PPP2R2C: variants seen among roughly 807,000 people sequenced by gnomAD.
PPP2R2C encodes the protein protein phosphatase 2 regulatory subunit Bgamma.
Under a neutral mutation model 45.3 loss-of-function variants are expected in PPP2R2C, and 10 were observed. That is an observed-to-expected ratio of 0.22 (90% CI 0.14 to 0.37). The LOEUF is 0.37. PPP2R2C is among the 10% of genes least tolerant of loss of function. The pLI, the probability that PPP2R2C is intolerant of heterozygous loss-of-function variation, is 1.00. For missense variants in PPP2R2C, 308 were observed against 619.7 expected (o/e 0.50, Z 5.34); for synonymous variants, 257 against 245.4 (o/e 1.05, Z -0.44).
At chr4:6,512,996 C>G (rs1393182476) in intron 2 of PPP2R2C, among the ~76,000 whole-genome samples, 1 of 152,078 alleles carries the variant, frequency 6.6e-6, no homozygotes, top group Non-Finnish European at 1.5e-5. Flanking sequence ...CTTCACTGCA[C>G]TTTGTTGCAT....
At chr4:6,530,365 C>T (rs1413200492) in intron 2 of PPP2R2C, among the ~76,000 whole-genome samples, 2 of 152,172 alleles carry the variant, frequency 1.3e-5, no homozygotes, top group African/African-American at 4.8e-5. Flanking sequence ...TCCGCCACCG[C>T]ACCTGCACTG....
At chr4:6,560,205 G>A (rs1473999505) in intron 1 of PPP2R2C, among the ~76,000 whole-genome samples, 6 of 152,232 alleles carry the variant, frequency 3.9e-5, no homozygotes, top group African/African-American at 7.2e-5. Flanking sequence ...CCTGGAGGAG[G>A]GCAAGCAGGG....
rs1274104961 is a variant in PPP2R2C, at chr4:6,323,294, G to T, written c.*8C>A. 1.9e-6 allele frequency: 3 copies of T among 1,588,466 alleles called. No individual in the cohort carries two copies. The highest frequency in any genetic ancestry group is 2.6e-6 in the Non-Finnish European group (3 of 1,160,952). On this transcript the variant is annotated 3_prime_UTR_variant, in exon 9 of 9. Transcript: ENST00000382599. ...GGCTGGGTGGCAGGGGCCGGGAACT[G>T]CACATACCTAGTGCATGTCAGAGTT... is the stretch of plus-strand genomic sequence containing the variant.
At chr4:6,383,035 G>C (rs894452582) in intron 1 of PPP2R2C, 3 of 1,078,944 alleles carry the variant, frequency 2.8e-6, no homozygotes, top group Non-Finnish European at 3.4e-6. Flanking sequence ...CCTGTTCTCT[G>C]CCCCCCACCT....
upstream of PPP2R2C, among the ~76,000 whole-genome samples, chr4:6,475,417 A>G (rs963900619): frequency 2.0e-5 from 3 of 152,152 alleles, no homozygotes; most frequent in South Asian, 2.1e-4. Context: ...CCACCAGCAC[A>G]TTGCATTTCT....
intron 2 of PPP2R2C, among the ~76,000 whole-genome samples, chr4:6,489,117 G>A (rs1454127472): frequency 6.6e-6 from 1 of 152,154 alleles, no homozygotes. Flanking sequence ...GGGGGTTCCA[G>A]CAGACTCCAG....
chr4:6,512,233 A>G (rs796929219), intron 2 of PPP2R2C, among the ~76,000 whole-genome samples: 835 of 8,272 alleles, frequency 0.1, 4 homozygotes, highest in Middle Eastern at 0.17. Flanking sequence ...GGTGGTGGTG[A>G]TGGTGGGGGT....
rs144245978 is a variant in PPP2R2C at position 6,515,556 on chromosome 4, G to C, written c.49+19715C>G. Among the ~76,000 whole-genome samples the C allele has an allele frequency of 5.6e-3, 858 of 152,346 alleles. 5 individuals are homozygous for C. Among genetic ancestry groups the C allele is most frequent in the African/African-American group, 0.02 (828 of 41,570 alleles). ...CACAGAGTACTCACCTCAAAGAGCT[G>C]TCATGCAGACTAAATGAGTGAGTAC... On this transcript the variant is annotated intron_variant, in intron 2 of 9. Transcript: ENST00000506140.
intron 1 of PPP2R2C, chr4:6,413,940 C>T (rs557667970): frequency 9.5e-5 from 146 of 1,536,122 alleles, no homozygotes; most frequent in Non-Finnish European, 1.2e-4. Flanking sequence ...TCGTTATACT[C>T]AATCAGAATG....
intron 2 of PPP2R2C, among the ~76,000 whole-genome samples, chr4:6,491,673 C>T (rs775316345): frequency 9.8e-5 from 15 of 152,294 alleles, no homozygotes; most frequent in East Asian, 1.9e-4. Context: ...TTGGATCATG[C>T]GGGCAGACTT....
chr4:6,377,503 A>T (rs1020071919), intron 3 of PPP2R2C, among the ~76,000 whole-genome samples: 1 of 152,092 alleles, frequency 6.6e-6, no homozygotes, highest in African/African-American at 2.4e-5. Flanking sequence ...ACTAAAAAAT[A>T]CAAAAATTAG....
intron 1 of PPP2R2C, among the ~76,000 whole-genome samples, chr4:6,385,407 T>C (rs1716140999): frequency 6.6e-6 from 1 of 152,122 alleles, no homozygotes; most frequent in Non-Finnish European, 1.5e-5. Context: ...GCCATAAAAT[T>C]GGTTGTTTTG....
At chr4:6,391,503 T>G (rs541090039) in intron 1 of PPP2R2C, among the ~76,000 whole-genome samples, 1 of 152,302 alleles carries the variant, frequency 6.6e-6, no homozygotes, top group South Asian at 2.1e-4. Context: ...CACACCGTAA[T>G]AGCAGAGCCG....
At chr4:6,560,702 A>T (rs1725547093) in intron 1 of PPP2R2C, among the ~76,000 whole-genome samples, 1 of 152,242 alleles carries the variant, frequency 6.6e-6, no homozygotes, top group Admixed American at 6.5e-5. Context: ...TGACCCAGGC[A>T]GCCACACAGG....
intron 2 of PPP2R2C, among the ~76,000 whole-genome samples, chr4:6,517,766 A>G (rs1443616138): frequency 1.3e-5 from 2 of 152,186 alleles, no homozygotes; most frequent in South Asian, 2.1e-4. Flanking sequence ...CAGTGTGGGA[A>G]GAAGGGGAAA....
intron 6 of PPP2R2C, among the ~76,000 whole-genome samples, chr4:6,342,572 C>T (rs1045311002): frequency 2.0e-5 from 3 of 152,194 alleles, no homozygotes; most frequent in Non-Finnish European, 1.5e-5. Flanking sequence ...TCATCGGCCC[C>T]GATTCTAAGA....
At chr4:6,425,035 G>C (rs1182384206) in intron 1 of PPP2R2C, among the ~76,000 whole-genome samples, 2 of 152,196 alleles carry the variant, frequency 1.3e-5, no homozygotes, top group African/African-American at 4.8e-5. Flanking sequence ...TGGGCAAAGA[G>C]CTTAGCACGT....
At chr4:6,346,113 C>A (rs1438517306) in intron 6 of PPP2R2C, among the ~76,000 whole-genome samples, 2 of 152,156 alleles carry the variant, frequency 1.3e-5, no homozygotes, top group Non-Finnish European at 2.9e-5. Context: ...CCAGGTGAGC[C>A]CTGCCCCACC....
intron 1 of PPP2R2C, among the ~76,000 whole-genome samples, chr4:6,413,375 AAGCAG>A (rs751124888): frequency 4.6e-5 from 7 of 152,246 alleles, no homozygotes; most frequent in Non-Finnish European, 1.0e-4. Context: ...CACAGCCCAT[AAGCAG>A]AGGCTGAACT....
Sources: gnomAD v4.1 joint callset for allele counts (sites outside exome capture counted in the v4.1 genomes callset) on GRCh38, gnomAD v4.1.1 for gene constraint, MANE v1.5 for transcripts, NCBI Gene and HGNC (gene_info 2026-07-23, HGNC 2026-07-21) for gene names.